Variants in H2BC7 observed in about 807,000 individuals in gnomAD.
The protein encoded by H2BC7 is histone H2B type 1-C/E/F/G/I.
Under a neutral mutation model 6.0 loss-of-function variants are expected in H2BC7, and 15 were observed. The observed-to-expected ratio is 2.48, with a 90% confidence interval of 1.66 to 3.82. The LOEUF is 3.82. H2BC7 is among the 30% of genes most tolerant of loss of function. H2BC7 has a pLI of 0.00. For missense variants in H2BC7, 227 were observed against 169.4 expected, an observed-to-expected ratio of 1.34 and a Z score of -1.89; for synonymous variants, 148 against 70.7, an observed-to-expected ratio of 2.09 and a Z score of -5.49.
rs771248660 is a variant in H2BC7 at position 26,199,897 on chromosome 6, A to G, written c.339A>G (p.Ser113=). The change falls in exon 1 of 1, where the codon TCA becomes TCG. Residue 113 remains serine (S), a synonymous_variant. Transcript: ENST00000356530. ...LPGELAKHAV[S]EGTKAVTKYT... is the part of the protein sequence containing the mutation. ...GGGAGCTGGCTAAGCACGCCGTGTC[A>G]GAGGGCACCAAGGCCGTCACCAAGT... 1.2e-6 allele frequency: 2 copies of G among 1,614,254 alleles called. No homozygotes were observed. Among genetic ancestry groups the G allele is most frequent in the Admixed American group, 1.7e-5 (1 of 60,024 alleles).
In H2BC7 at chr6:26,199,568, CCTG is replaced by C. The variant is rs1401413795; in HGVS notation, c.13_15del (p.Ala5del). 6 of 1,613,816 alleles carry C rather than the reference CCTG, an allele frequency of 3.7e-6. No homozygotes were observed. Among genetic ancestry groups the C allele is most frequent in the Non-Finnish European group, 5.1e-6 (6 of 1,179,948 alleles). On this transcript the variant is annotated inframe_deletion, in exon 1 of 1. Coordinates refer to ENST00000356530, the MANE Select transcript of H2BC7 (RefSeq NM_003522.4). ...GAAGTGTTTATTTATCATGCCTGAA[CCTG>C]CTAAGTCCGCTCCTGCTCCAAAAAA...
chr6:26,199,873 G>A lies in H2BC7; in HGVS notation c.315G>A (p.Gly105=), dbSNP rs1283004130. The A allele has an allele frequency of 1.2e-6, 2 of 1,614,244 alleles. No homozygotes were observed. Among genetic ancestry groups the A allele is most frequent in the Admixed American group, 1.7e-5 (1 of 60,024 alleles). Residue 105 remains glycine (G), a synonymous_variant, in exon 1 of 1, where the codon GGG becomes GGA. Transcript: ENST00000356530. ...IQTAVRLLLP[G]ELAKHAVSEG... is the part of the protein sequence containing the mutation. The stretch of plus-strand genomic sequence containing the variant: ...CGGCCGTACGCCTGCTGCTGCCCGG[G>A]GAGCTGGCTAAGCACGCCGTGTCAG...
Position 26,199,721 on chromosome 6 carries a change from A to G in H2BC7, c.163A>G (p.Ile55Val), listed in dbSNP as rs754696719. The change falls in exon 1 of 1, where the codon ATC becomes GTC. Residue 55 changes from isoleucine to valine, a missense_variant. Transcript: ENST00000356530. Reference protein sequence around the residue: ...VLKQVHPDTGISSKAMGIMNS... With the variant: ...VLKQVHPDTGVSSKAMGIMNS... The stretch of plus-strand genomic sequence containing the variant: ...AAAGCAGGTCCACCCCGACACCGGC[A>G]TCTCATCCAAGGCCATGGGCATCAT... The G allele has an allele frequency of 1.3e-5, 21 of 1,614,260 alleles. No homozygotes were observed. Among genetic ancestry groups the G allele is most frequent in the Admixed American group, 8.3e-5 (5 of 60,028 alleles).
Position 26,199,831 on chromosome 6 carries a change from C to T in H2BC7, c.273C>T (p.Thr91=), listed in dbSNP as rs138137995. ...LAHYNKRSTI[T]SREIQTAVRL... ...ATTACAACAAGCGCTCCACCATCAC[C>T]TCCAGGGAGATCCAGACGGCCGTAC... Residue 91 remains threonine, a synonymous_variant, in exon 1 of 1, where the codon ACC becomes ACT. Transcript: ENST00000356530. The T allele has an allele frequency of 4.7e-4, 758 of 1,614,262 alleles. 5 individuals carry two copies. The East Asian group carries it at 0.012, about 25-fold the overall frequency.
In H2BC7 at chr6:26,199,972, CTT is replaced by C. The variant is rs760076011; in HGVS notation, c.*36_*37del. ...GTCTTCATACCCAATCCCAAAGGCT[CTT>C]TTAAGAGCCACCCACTTTTTCAGCT... On this transcript the variant is annotated 3_prime_UTR_variant, in exon 1 of 1. Coordinates refer to ENST00000356530, the MANE Select transcript of H2BC7 (RefSeq NM_003522.4). The C allele has an allele frequency of 3.9e-5, 63 of 1,605,594 alleles. No individual in the cohort carries two copies. The highest frequency in any genetic ancestry group is 5.3e-5 in the Non-Finnish European group (62 of 1,176,986).
rs749812366 is a variant in H2BC7, at chr6:26,199,537, G to A, written c.-22G>A. On this transcript the variant is annotated 5_prime_UTR_variant, in exon 1 of 1. The change creates a new upstream start codon in the 5' untranslated region. Coordinates refer to ENST00000356530, the MANE Select transcript of H2BC7 (RefSeq NM_003522.4). ...GGACACTTGCATTTCTCTTTAGGTTGTGGACGAAGTGTTTATTTATCATGC... is the reference window on the plus strand; with the variant it reads ...GGACACTTGCATTTCTCTTTAGGTTATGGACGAAGTGTTTATTTATCATGC... The A allele has an allele frequency of 4.4e-6, 7 of 1,608,444 alleles. No homozygotes were observed. The highest frequency in any genetic ancestry group is 8.5e-7 in the Non-Finnish European group (1 of 1,178,336).
chr6:26,199,821 C>T lies in H2BC7; in HGVS notation c.263C>T (p.Ser88Phe). Residue 88 changes from serine (S) to phenylalanine (F), a missense_variant, in exon 1 of 1, where the codon TCC becomes TTC. Coordinates refer to ENST00000356530, the MANE Select transcript of H2BC7 (RefSeq NM_003522.4). ...ASRLAHYNKR[S>F]TITSREIQTA... is the part of the protein sequence containing the mutation. ...CGCCTGGCGCATTACAACAAGCGCTCCACCATCACCTCCAGGGAGATCCAG... is the reference window on the plus strand; with the variant it reads ...CGCCTGGCGCATTACAACAAGCGCTTCACCATCACCTCCAGGGAGATCCAG... The T allele has an allele frequency of 6.2e-7, 1 of 1,614,256 alleles. No homozygotes were observed. The highest frequency in any genetic ancestry group is 8.5e-7 in the Non-Finnish European group (1 of 1,180,044).
rs527678302 is a variant in H2BC7, at chr6:26,199,543, G to A, written c.-16G>A. The stretch of plus-strand genomic sequence containing the variant: ...TTGCATTTCTCTTTAGGTTGTGGAC[G>A]AAGTGTTTATTTATCATGCCTGAAC... On this transcript the variant is annotated 5_prime_UTR_variant, in exon 1 of 1. Coordinates refer to ENST00000356530, the MANE Select transcript of H2BC7 (RefSeq NM_003522.4). 3.1e-6 allele frequency: 5 copies of A among 1,609,408 alleles called. No homozygotes were observed. The highest frequency in any genetic ancestry group is 1.7e-4 in the Middle Eastern group (1 of 6,028).
In H2BC7 at chr6:26,199,786, C is replaced by T. The variant is rs1489040872; in HGVS notation, c.228C>T (p.Gly76=). 6.2e-6 allele frequency: 10 copies of T among 1,614,126 alleles called. No homozygotes were observed. The highest frequency in any genetic ancestry group is 4.5e-5 in the East Asian group (2 of 44,904). Reference sequence around the variant, plus strand: ...ACGATATCTTCGAGCGCATCGCTGGCGAGGCTTCCCGCCTGGCGCATTACA... The same window carrying T: ...ACGATATCTTCGAGCGCATCGCTGGTGAGGCTTCCCGCCTGGCGCATTACA... ...FVNDIFERIA[G]EASRLAHYNK... Residue 76 remains glycine (G), a synonymous_variant, in exon 1 of 1, where the codon GGC becomes GGT. Transcript: ENST00000356530.
At position 26,199,551 on chromosome 6, in the gene H2BC7, T is replaced by A; in HGVS notation, c.-8T>A. On this transcript the variant is annotated 5_prime_UTR_variant, in exon 1 of 1. Transcript: ENST00000356530. ...CTCTTTAGGTTGTGGACGAAGTGTTTATTTATCATGCCTGAACCTGCTAAG... is the reference window on the plus strand; with the variant it reads ...CTCTTTAGGTTGTGGACGAAGTGTTAATTTATCATGCCTGAACCTGCTAAG... 1.2e-6 allele frequency: 2 copies of A among 1,610,956 alleles called. No individual in the cohort carries two copies. Among genetic ancestry groups the A allele is most frequent in the Non-Finnish European group, 1.7e-6 (2 of 1,179,180 alleles).
Position 26,199,766 on chromosome 6 carries a change from A to G in H2BC7, c.208A>G (p.Ile70Val). Residue 70 changes from isoleucine to valine, a missense_variant, in exon 1 of 1, where the codon ATC becomes GTC. By Grantham distance (29) the Ile-to-Val change is conservative. Transcript: ENST00000356530. ...MGIMNSFVNDIFERIAGEASR... is the reference protein window; with the variant it reads ...MGIMNSFVNDVFERIAGEASR... Reference sequence around the variant, plus strand: ...CATCATGAACTCCTTCGTCAACGATATCTTCGAGCGCATCGCTGGCGAGGC... The same window carrying G: ...CATCATGAACTCCTTCGTCAACGATGTCTTCGAGCGCATCGCTGGCGAGGC... 1 of 1,614,246 alleles carries G rather than the reference A, an allele frequency of 6.2e-7. No individual in the cohort carries two copies. The highest frequency in any genetic ancestry group is 8.5e-7 in the Non-Finnish European group (1 of 1,180,042).
rs753388936 is a variant in H2BC7, at chr6:26,199,711, C to G, written c.153C>G (p.Pro51=). Residue 51 remains proline, a synonymous_variant, in exon 1 of 1, where the codon CCC becomes CCG. Transcript: ENST00000356530. ...ACAAGGTGCTAAAGCAGGTCCACCCCGACACCGGCATCTCATCCAAGGCCA... is the reference window on the plus strand; with the variant it reads ...ACAAGGTGCTAAAGCAGGTCCACCCGGACACCGGCATCTCATCCAAGGCCA... ...YVYKVLKQVH[P]DTGISSKAMG... 3 of 1,614,242 alleles carry G rather than the reference C, an allele frequency of 1.9e-6. No individual in the cohort carries two copies. The highest frequency in any genetic ancestry group is 2.5e-6 in the Non-Finnish European group (3 of 1,180,054).
At position 26,199,534 on chromosome 6, in the gene H2BC7, G is replaced by A. The variant is rs780474945; in HGVS notation, c.-25G>A. 3.4e-5 allele frequency: 54 copies of A among 1,607,970 alleles called. 1 individual carries two copies. The highest frequency in any genetic ancestry group is 4.0e-5 in the African/African-American group (3 of 74,280). ...TGAGGACACTTGCATTTCTCTTTAG[G>A]TTGTGGACGAAGTGTTTATTTATCA... On this transcript the variant is annotated 5_prime_UTR_variant, in exon 1 of 1. Transcript: ENST00000356530.
At position 26,199,613 on chromosome 6, in the gene H2BC7, G is replaced by A. The variant is rs375500604; in HGVS notation, c.55G>A (p.Val19Met). ...TCCAAAAAAGGGCTCCAAAAAGGCGGTGACCAAGGCGCAGAAGAAGGATGG... is the reference window on the plus strand; with the variant it reads ...TCCAAAAAAGGGCTCCAAAAAGGCGATGACCAAGGCGCAGAAGAAGGATGG... ...PAPKKGSKKAVTKAQKKDGKK... is the reference protein window; with the variant it reads ...PAPKKGSKKAMTKAQKKDGKK... Residue 19 changes from valine (V) to methionine (M), a missense_variant, in exon 1 of 1, where the codon GTG becomes ATG. Transcript: ENST00000356530. 11 of 1,614,128 alleles carry A rather than the reference G, an allele frequency of 6.8e-6. No homozygotes were observed. In the African/African-American group the frequency reaches 1.5e-4, roughly 22 times the overall value.
Position 26,199,542 on chromosome 6 carries a change from C to G in H2BC7, c.-17C>G, listed in dbSNP as rs374746384. On this transcript the variant is annotated 5_prime_UTR_variant, in exon 1 of 1. Transcript: ENST00000356530. The stretch of plus-strand genomic sequence containing the variant: ...CTTGCATTTCTCTTTAGGTTGTGGA[C>G]GAAGTGTTTATTTATCATGCCTGAA... 1 of 1,609,262 alleles carries G rather than the reference C, an allele frequency of 6.2e-7. No individual in the cohort carries two copies. The highest frequency in any genetic ancestry group is 1.7e-5 in the Admixed American group (1 of 58,252).
rs1490359898 is a variant in H2BC7 at position 26,199,951 on chromosome 6, T to G, written c.*12T>G. The G allele has an allele frequency of 1.2e-6, 2 of 1,613,420 alleles. No individual in the cohort carries two copies. The highest frequency in any genetic ancestry group is 1.7e-6 in the Non-Finnish European group (2 of 1,179,770). ...CCAGCTCTAAGTAATTCTAACGTCT[T>G]CATACCCAATCCCAAAGGCTCTTTT... On this transcript the variant is annotated 3_prime_UTR_variant, in exon 1 of 1. Transcript: ENST00000356530.
At position 26,199,937 on chromosome 6, in the gene H2BC7, T is replaced by C; in HGVS notation, c.379T>C (p.Ter127GlnextTer2). Reference sequence around the variant, plus strand: ...CGTCACCAAGTACACCAGCTCTAAGTAATTCTAACGTCTTCATACCCAATC... The same window carrying C: ...CGTCACCAAGTACACCAGCTCTAAGCAATTCTAACGTCTTCATACCCAATC... The part of the protein sequence containing the change: ...KAVTKYTSSK[*>Q] The change falls in exon 1 of 1, where the codon TAA becomes CAA. Residue 127 changes from the stop codon to glutamine, a stop_lost. Coordinates refer to ENST00000356530, the MANE Select transcript of H2BC7 (RefSeq NM_003522.4). 6.2e-7 allele frequency: 1 copy of C among 1,614,234 alleles called. No individual in the cohort carries two copies. The highest frequency in any genetic ancestry group is 8.5e-7 in the Non-Finnish European group (1 of 1,180,042).
Position 26,199,658 on chromosome 6 carries a change from C to G in H2BC7, c.100C>G (p.Arg34Gly). 2 of 1,614,244 alleles carry G rather than the reference C, an allele frequency of 1.2e-6. No individual in the cohort carries two copies. The highest frequency in any genetic ancestry group is 1.7e-6 in the Non-Finnish European group (2 of 1,180,040). The stretch of plus-strand genomic sequence containing the variant: ...GGATGGTAAGAAGCGCAAGCGTAGC[C>G]GCAAGGAGAGCTATTCCGTGTACGT... ...KKDGKKRKRS[R>G]KESYSVYVYK... Residue 34 changes from arginine (R) to glycine (G), a missense_variant, in exon 1 of 1, where the codon CGC becomes GGC. Coordinates refer to ENST00000356530, the MANE Select transcript of H2BC7 (RefSeq NM_003522.4).
In H2BC7 at chr6:26,199,869, C is replaced by T; in HGVS notation, c.311C>T (p.Pro104Leu). The T allele has an allele frequency of 6.2e-7, 1 of 1,614,232 alleles. No homozygotes were observed. Among genetic ancestry groups the T allele is most frequent in the Non-Finnish European group, 8.5e-7 (1 of 1,180,036 alleles). ...CAGACGGCCGTACGCCTGCTGCTGC[C>T]CGGGGAGCTGGCTAAGCACGCCGTG... is the stretch of plus-strand genomic sequence containing the variant. ...EIQTAVRLLL[P>L]GELAKHAVSE... The change falls in exon 1 of 1, where the codon CCC becomes CTC. Residue 104 changes from proline (P) to leucine (L), a missense_variant. Pro to Leu is a moderately conservative substitution (Grantham distance 98). Coordinates refer to ENST00000356530, the MANE Select transcript of H2BC7 (RefSeq NM_003522.4).
Sources: allele counts gnomAD v4.1 joint callset, GRCh38; gene constraint gnomAD v4.1.1; transcripts MANE v1.5; gene names NCBI Gene and HGNC (gene_info 2026-07-23, HGNC 2026-07-21).